PKHD1: variants seen among roughly 807,000 people sequenced by gnomAD.
The protein encoded by PKHD1 is PKHD1 ciliary IPT domain containing fibrocystin/polyductin, also known as fibrocystin.
In PKHD1, 291 loss-of-function variants were observed where a neutral mutation model predicts 412.0. That is an observed-to-expected ratio of 0.71 (90% CI 0.64 to 0.78). PKHD1 has a LOEUF of 0.78. Among genes scored for constraint, PKHD1 ranks in the 30% least tolerant of loss-of-function variants. The pLI is 0.00. For missense variants in PKHD1, 4,825 were observed against 4,950.7 expected, an observed-to-expected ratio of 0.97 and a Z score of 0.76; for synonymous variants, 1,777 against 1,821.5, an observed-to-expected ratio of 0.98 and a Z score of 0.62.
intron 55 of PKHD1, among the ~76,000 whole-genome samples, chr6:51,761,829 G>A (rs1788067857): frequency 7.6e-6 from 1 of 131,446 alleles, no homozygotes; most frequent in Non-Finnish European, 1.7e-5. Flanking sequence ...AATGAGATAA[G>A]AAATGAGAAA....
At chr6:51,849,226 A>G (rs547177211) in intron 49 of PKHD1, among the ~76,000 whole-genome samples, 1 of 152,344 alleles carries the variant, frequency 6.6e-6, no homozygotes, top group East Asian at 1.9e-4. Flanking sequence ...TGAAAAGGAC[A>G]TGATCTCATT....
rs183911990 is a variant in PKHD1, at chr6:51,993,220, T to C, written c.5751+17089A>G. Among the ~76,000 whole-genome samples the C allele has an allele frequency of 2.9e-3, 439 of 152,328 alleles. 2 individuals are homozygous for C. Among genetic ancestry groups the C allele is most frequent in the Middle Eastern group, 6.8e-3 (2 of 294 alleles). On this transcript the variant is annotated intron_variant, in intron 35 of 66. Coordinates refer to ENST00000371117, the MANE Select transcript of PKHD1 (RefSeq NM_138694.4). ...GTGGGGAGAATGTTGGAAATTGTAA[T>C]CTGAAGGCAAAGGCTGCCTGCTGGG...
chr6:51,638,316 C>T (rs10807429), intron 64 of PKHD1, among the ~76,000 whole-genome samples: 26,508 of 152,094 alleles, frequency 0.17, 2,825 homozygotes, highest in Non-Finnish European at 0.24. Flanking sequence ...GACAAATGAT[C>T]ACTATATTTT....
intron 35 of PKHD1, among the ~76,000 whole-genome samples, chr6:51,966,432 G>A (rs753184005): frequency 6.6e-6 from 1 of 152,108 alleles, no homozygotes; most frequent in Admixed American, 6.5e-5. Context: ...TGACTAGAAC[G>A]GAAGGCAGGT....
At position 51,632,560 on chromosome 6, in the gene PKHD1, C is replaced by T. The variant is rs1768055890; in HGVS notation, c.11665+5G>A. On this transcript the variant is annotated splice_donor_5th_base_variant and intron_variant, in intron 65 of 66. Coordinates refer to ENST00000371117, the MANE Select transcript of PKHD1 (RefSeq NM_138694.4). Reference sequence around the variant, plus strand: ...TCATTCCAAAATAAAAAAAAAACTACATACTTCTGCTTTTGCTTCTTTTAA... The same window carrying T: ...TCATTCCAAAATAAAAAAAAAACTATATACTTCTGCTTTTGCTTCTTTTAA... 2 of 1,607,796 alleles carry T rather than the reference C, an allele frequency of 1.2e-6. No homozygotes were observed. The highest frequency in any genetic ancestry group is 1.3e-5 in the African/African-American group (1 of 74,352).
intron 50 of PKHD1, among the ~76,000 whole-genome samples, chr6:51,845,077 T>C (rs927038975): frequency 2.0e-5 from 3 of 152,166 alleles, no homozygotes; most frequent in African/African-American, 7.2e-5. Context: ...CTAATCAATA[T>C]ATAAAATGCA....
chr6:52,076,359 G>A (rs1243876176), intron 5 of PKHD1, 26 bp from the exon 6 acceptor site: 2 of 1,573,820 alleles, frequency 1.3e-6, no homozygotes, highest in East Asian at 2.2e-5. Flanking sequence ...TACCACAAGT[G>A]AGCATGTCAT....
At chr6:51,950,216 A>AT (rs1554156634) in intron 36 of PKHD1, among the ~76,000 whole-genome samples, 1 of 41,978 alleles carries the variant, frequency 2.4e-5, no homozygotes, top group African/African-American at 7.1e-5. Flanking sequence ...TAGAGAAAAA[A>AT]AAAAATATAT....
chr6:51,789,575 G>A (rs1793414550), intron 53 of PKHD1, among the ~76,000 whole-genome samples: 1 of 100,348 alleles, frequency 1.0e-5, no homozygotes, highest in Admixed American at 1.2e-4. Flanking sequence ...GTGTATGTAT[G>A]TGTAAGAAAA....
intron 47 of PKHD1, among the ~76,000 whole-genome samples, chr6:51,868,603 G>A (rs1003320120): frequency 6.6e-6 from 1 of 151,342 alleles, no homozygotes. Flanking sequence ...GTGGGAAATA[G>A]AAGCAGAAAA....
At chr6:51,879,071 C>T (rs1204159807) in intron 46 of PKHD1, among the ~76,000 whole-genome samples, 78 of 82,872 alleles carry the variant, frequency 9.4e-4, no homozygotes, top group East Asian at 2.6e-3. Flanking sequence ...TGTGAAGGAC[C>T]TCTTCAAGGA....
At chr6:51,917,389 G>A (rs970921655) in intron 37 of PKHD1, among the ~76,000 whole-genome samples, 1 of 152,046 alleles carries the variant, frequency 6.6e-6, no homozygotes, top group Non-Finnish European at 1.5e-5. Flanking sequence ...CTTGTATGTG[G>A]ATGAACATTT....
rs188206300 is a variant in PKHD1 at position 51,625,450 on chromosome 6, G to A, written c.11785+1547C>T. ...CTTCAGATTTGTACAAAGCTTAGAA[G>A]ATAAGGAAACAAATCTGCTGTGATC... On this transcript the variant is annotated intron_variant, in intron 66 of 66. Transcript: ENST00000371117. Among the ~76,000 whole-genome samples the A allele has an allele frequency of 9.2e-5, 14 of 152,294 alleles. No homozygotes were observed. In the East Asian group the frequency reaches 2.5e-3, roughly 27 times the overall value.
chr6:51,862,788 C>A (rs538871148), intron 48 of PKHD1, among the ~76,000 whole-genome samples: 1 of 152,108 alleles, frequency 6.6e-6, no homozygotes, highest in Non-Finnish European at 1.5e-5. Context: ...TACTGGGGCA[C>A]GATGAATCAA....
At chr6:52,053,358 G>A in intron 20 of PKHD1, 107 bp from the exon 21 acceptor site, 1 of 1,145,014 alleles carries the variant, frequency 8.7e-7, no homozygotes, top group Non-Finnish European at 1.3e-6. Flanking sequence ...ATGCAGCCAG[G>A]AGAGAGACCC....
At chr6:51,670,227 G>T (rs867326662) in intron 60 of PKHD1, among the ~76,000 whole-genome samples, 1 of 151,694 alleles carries the variant, frequency 6.6e-6, no homozygotes, top group Non-Finnish European at 1.5e-5. Flanking sequence ...GAATCTGGGT[G>T]CTCCTGTATT....
Position 51,659,457 on chromosome 6 carries a change from A to C in PKHD1, c.10669T>G (p.Ser3557Ala). 1 of 1,613,680 alleles carries C rather than the reference A, an allele frequency of 6.2e-7. No individual in the cohort carries two copies. The highest frequency in any genetic ancestry group is 8.5e-7 in the Non-Finnish European group (1 of 1,179,834). The change falls in exon 61 of 67, where the codon TCA becomes GCA. Residue 3557 changes from serine (S) to alanine (A), a missense_variant. Physicochemically the swap from Ser to Ala is moderately conservative, Grantham distance 99. Transcript: ENST00000371117. ...AGGGCCAAGTGAATGGAAACACCTG[A>C]GCGTATTTCAATGGGCTCCTCTCCT... ...LQGEEPIEIR[S>A]GVSIHLALTV...
intron 60 of PKHD1, among the ~76,000 whole-genome samples, chr6:51,727,645 G>A (rs899834145): frequency 2.0e-5 from 3 of 152,208 alleles, no homozygotes; most frequent in African/African-American, 7.2e-5. Flanking sequence ...AGTGTGTTAA[G>A]GAAACTGTAT....
chr6:51,839,215 G>A (rs917455203), intron 50 of PKHD1, among the ~76,000 whole-genome samples: 1 of 152,230 alleles, frequency 6.6e-6, no homozygotes, highest in Non-Finnish European at 1.5e-5. Flanking sequence ...ATTTGAGAAT[G>A]AAGGTATTGA....
Sources: allele counts gnomAD v4.1 joint callset (sites outside exome capture counted in the v4.1 genomes callset), GRCh38; gene constraint gnomAD v4.1.1; transcripts MANE v1.5; gene names NCBI Gene and HGNC (gene_info 2026-07-23, HGNC 2026-07-21).